Variants in RP1 observed in about 807,000 individuals in gnomAD.
The protein encoded by RP1 is RP1 axonemal microtubule associated.
A neutral mutation model predicts 14.8 loss-of-function variants in RP1; 16 were observed. That is an observed-to-expected ratio of 1.08 (90% CI 0.73 to 1.65). The LOEUF is 1.65. RP1 is among the 40% of genes most tolerant of loss of function. RP1 has a pLI of 0.00. For missense variants in RP1, 2,631 were observed against 2,535.0 expected (o/e 1.04, Z -0.81); for synonymous variants, 876 against 883.6 (o/e 0.99, Z 0.15).
intron 14 of RP1, among the ~76,000 whole-genome samples, chr8:54,701,832 A>G (rs1278684311): frequency 6.6e-6 from 1 of 152,154 alleles, no homozygotes; most frequent in Non-Finnish European, 1.5e-5. Flanking sequence ...GGCAATAGAG[A>G]TGACAGCTTT....
chr8:54,841,354 G>T (rs982749148), intron 25 of RP1, among the ~76,000 whole-genome samples: 1 of 152,222 alleles, frequency 6.6e-6, no homozygotes, highest in Non-Finnish European at 1.5e-5. Context: ...TTATCTTGGA[G>T]TTGCCATGCT....
chr8:54,629,508 A>G lies in RP1; in HGVS notation c.5626A>G (p.Asn1876Asp), dbSNP rs767482199. Reference protein sequence around the residue: ...SVTHSFISAGNKVYPVSDDAI... With the variant: ...SVTHSFISAGDKVYPVSDDAI... ...CACTCATTCCTTTATTTCTGCTGGTAACAAAGTCTACCCTGTCTCTGATGA... is the reference window on the plus strand; with the variant it reads ...CACTCATTCCTTTATTTCTGCTGGTGACAAAGTCTACCCTGTCTCTGATGA... Residue 1876 changes from asparagine (N) to aspartate (D), a missense_variant, in exon 4 of 4, where the codon AAC becomes GAC. By Grantham distance (23) the Asn-to-Asp change is conservative. Coordinates refer to ENST00000220676, the MANE Select transcript of RP1 (RefSeq NM_006269.2). The G allele has an allele frequency of 2.5e-6, 4 of 1,613,974 alleles. No homozygotes were observed. The South Asian group carries it at 4.4e-5, about 18-fold the overall frequency.
Position 54,728,810 on chromosome 8 carries a change from A to G in RP1, c.2521+2334A>G, listed in dbSNP as rs530958579. 8.5e-5 allele frequency among the ~76,000 whole-genome samples: 13 copies of G among 152,194 alleles called. No homozygotes were observed. In the East Asian group the frequency reaches 2.5e-3, roughly 29 times the overall value. ...CTTATTTTTTTAGAATAATCTTTTT[A>G]TTATGGAAAATTTTAAACACACACA... On this transcript the variant is annotated intron_variant, in intron 17 of 22. Transcript: ENST00000636932.
At chr8:54,814,702 A>G (rs920187347) in intron 24 of RP1, among the ~76,000 whole-genome samples, 2 of 152,208 alleles carry the variant, frequency 1.3e-5, no homozygotes, top group Admixed American at 6.5e-5. Context: ...TTGACATTTG[A>G]TGCCACTCAA....
chr8:54,624,173 G>A (rs1456030871), intron 3 of RP1, among the ~76,000 whole-genome samples: 1 of 152,062 alleles, frequency 6.6e-6, no homozygotes. Context: ...TGAGCGTGGT[G>A]GCTCAAGCCT....
chr8:54,700,611 T>C (rs77228571), intron 13 of RP1, among the ~76,000 whole-genome samples: 3,434 of 152,220 alleles, frequency 0.023, 137 homozygotes, highest in African/African-American at 0.077. Flanking sequence ...ATCTACTCCA[T>C]TGAATTAAGA....
At chr8:54,764,215 A>G (rs1408206009) in intron 22 of RP1, among the ~76,000 whole-genome samples, 2 of 152,198 alleles carry the variant, frequency 1.3e-5, no homozygotes, top group East Asian at 1.9e-4. Context: ...TTGAGATCAC[A>G]CTCTGGGGGA....
Position 54,621,353 on chromosome 8 carries a change from C to A in RP1, c.387C>A (p.Ser129Arg). 2.5e-6 allele frequency: 4 copies of A among 1,611,678 alleles called. No individual in the cohort carries two copies. The South Asian group carries it at 4.4e-5, about 18-fold the overall frequency. The change falls in exon 2 of 4, where the codon AGC becomes AGA. Residue 129 changes from serine (S) to arginine (R), a missense_variant. Coordinates refer to ENST00000220676, the MANE Select transcript of RP1 (RefSeq NM_006269.2). ...KARRRPRPWL[S>R]SRAISAHSPP... ...GTCGGCGCCCGCGGCCCTGGCTCAG[C>A]AGCCGGGCCATTAGCGCGCACTCAC... is the stretch of plus-strand genomic sequence containing the variant.
chr8:54,686,475 T>TA (rs1366863650), intron 12 of RP1, among the ~76,000 whole-genome samples: 28 of 152,076 alleles, frequency 1.8e-4, no homozygotes, highest in Non-Finnish European at 4.4e-5. Flanking sequence ...CTTAGAGAGT[T>TA]AGAGTACCCA....
intron 1 of RP1, among the ~76,000 whole-genome samples, chr8:54,569,379 C>T (rs1586388641): frequency 6.6e-6 from 1 of 152,344 alleles, no homozygotes; most frequent in Middle Eastern, 3.4e-3. Context: ...ATTTTGGTTC[C>T]TCATTCACTA....
chr8:54,735,980 A>T (rs551897060), intron 18 of RP1, among the ~76,000 whole-genome samples: 2 of 152,132 alleles, frequency 1.3e-5, no homozygotes, highest in Non-Finnish European at 2.9e-5. Flanking sequence ...AGCTTTAAAA[A>T]CTACTGATGC....
intron 3 of RP1, among the ~76,000 whole-genome samples, chr8:54,636,842 A>C (rs138091448): frequency 1.3e-3 from 198 of 152,342 alleles, no homozygotes; most frequent in African/African-American, 4.6e-3. Flanking sequence ...CATTTAAATG[A>C]CATTGGAGTT....
At chr8:54,840,263 T>C (rs1477085409) in intron 25 of RP1, among the ~76,000 whole-genome samples, 1 of 152,072 alleles carries the variant, frequency 6.6e-6, no homozygotes, top group Non-Finnish European at 1.5e-5. Context: ...ATTATTATTA[T>C]TATTATTGAG....
Position 54,823,628 on chromosome 8 carries a change from C to A in RP1, c.3616-13822C>A, listed in dbSNP as rs759903715. ...TACAGACATGAGCCACCATGCCCAG[C>A]CAGTTTGCTTTTTTTTATTGCTGAG... On this transcript the variant is annotated intron_variant, in intron 24 of 28. Coordinates refer to the RP1 transcript ENST00000637698. 5.3e-5 allele frequency among the ~76,000 whole-genome samples: 8 copies of A among 152,178 alleles called. No homozygotes were observed. The East Asian group carries it at 7.7e-4, about 15-fold the overall frequency.
At chr8:54,706,748 T>C (rs1230526514) in intron 15 of RP1, 3 of 1,267,394 alleles carry the variant, frequency 2.4e-6, no homozygotes, top group Non-Finnish European at 3.3e-6. Context: ...GTTTTGGAAA[T>C]TGAATGTTAC....
chr8:54,691,803 T>G (rs1807717329), intron 12 of RP1, among the ~76,000 whole-genome samples: 1 of 151,130 alleles, frequency 6.6e-6, no homozygotes, highest in Admixed American at 6.6e-5. Context: ...GTCTCTGGCT[T>G]TTTATTTTTA....
In RP1 at chr8:54,626,513, G is replaced by A. The variant is rs763674635; in HGVS notation, c.2631G>A (p.Val877=). 4 of 1,613,770 alleles carry A rather than the reference G, an allele frequency of 2.5e-6. No homozygotes were observed. The highest frequency in any genetic ancestry group is 1.1e-5 in the South Asian group (1 of 91,060). ...AGAAAAAACGTAAAGGGGATAAAGTGAAAGCAAGTGCTATTTTAAGTAAAC... is the reference window on the plus strand; with the variant it reads ...AGAAAAAACGTAAAGGGGATAAAGTAAAAGCAAGTGCTATTTTAAGTAAAC... The part of the protein sequence containing the change: ...KSQKKRKGDK[V]KASAILSKQH... Residue 877 remains valine (V), a synonymous_variant, in exon 4 of 4, where the codon GTG becomes GTA. Coordinates refer to ENST00000220676, the MANE Select transcript of RP1 (RefSeq NM_006269.2).
intron 24 of RP1, among the ~76,000 whole-genome samples, chr8:54,800,322 G>C (rs889069684): frequency 7.9e-5 from 12 of 151,778 alleles, no homozygotes; most frequent in Admixed American, 5.9e-4. Context: ...TGTGTGTTGG[G>C]GGGGTGTGTG....
chr8:54,789,394 C>T (rs1270167849), intron 24 of RP1, among the ~76,000 whole-genome samples: 1 of 152,194 alleles, frequency 6.6e-6, no homozygotes. Context: ...CCCTGCCTGA[C>T]TCTGGAGCAT....
Sources: allele counts gnomAD v4.1 joint callset (sites outside exome capture counted in the v4.1 genomes callset), GRCh38; gene constraint gnomAD v4.1.1; transcripts MANE v1.5; gene names NCBI Gene and HGNC (gene_info 2026-07-23, HGNC 2026-07-21).